DCAF8L2: variants seen among roughly 807,000 people sequenced by gnomAD.
DCAF8L2 encodes the protein DDB1 and CUL4 associated factor 8 like 2.
For missense variants in DCAF8L2, 430 were observed against 490.7 expected (o/e 0.88, Z 1.17); for synonymous variants, 200 against 190.9 (o/e 1.05, Z -0.39).
At chrX:27,563,413 A>G in the DCAF8L2 span, among the ~76,000 whole-genome samples, 1 of 112,149 alleles carries the variant, frequency 8.9e-6, no homozygotes, top group Middle Eastern at 4.6e-3. Flanking sequence ...GAAAGGTAAA[A>G]TTTCAGCCAG....
intron 2 of DCAF8L2, among the ~76,000 whole-genome samples, chrX:27,674,582 C>G (rs1454537160): frequency 9.0e-6 from 1 of 110,872 alleles, no homozygotes; most frequent in African/African-American, 3.3e-5. Context: ...GAGCATGAAG[C>G]CGTTGTACAA....
At chrX:27,736,689 T>G (rs921750082) in intron 4 of DCAF8L2, among the ~76,000 whole-genome samples, 1 of 112,124 alleles carries the variant, frequency 8.9e-6, no homozygotes, top group Non-Finnish European at 1.9e-5. Context: ...CTTGCCTAAA[T>G]TATCTGTGCA....
chrX:27,526,259 G>A, the DCAF8L2 span, among the ~76,000 whole-genome samples: 1 of 111,435 alleles, frequency 9.0e-6, no homozygotes, highest in East Asian at 2.8e-4. Context: ...TTCTCTTCCT[G>A]CTTCATTTCA....
At chrX:27,521,562 C>T in the DCAF8L2 span, among the ~76,000 whole-genome samples, 5 of 112,038 alleles carry the variant, frequency 4.5e-5, no homozygotes, top group South Asian at 3.7e-4. Flanking sequence ...TATTGGAATA[C>T]GTGGTTTCAC....
chrX:27,701,321 A>C (rs997348491), intron 3 of DCAF8L2, among the ~76,000 whole-genome samples: 2 of 111,537 alleles, frequency 1.8e-5, no homozygotes, highest in East Asian at 5.6e-4. Flanking sequence ...TAGTGGATAG[A>C]ACAAGTTAAA....
upstream of DCAF8L2, among the ~76,000 whole-genome samples, chrX:27,589,154 T>G (rs1242383778): frequency 1.8e-5 from 2 of 111,586 alleles, no homozygotes; most frequent in Non-Finnish European, 3.8e-5. Flanking sequence ...GACCAAAGAT[T>G]ATGGTTGGTT....
Position 27,747,082 on chromosome X carries a change from C to G in DCAF8L2, c.187C>G (p.Pro63Ala). The G allele has an allele frequency of 1.7e-6, 2 of 1,167,944 alleles. No homozygotes were observed. The highest frequency in any genetic ancestry group is 2.3e-6 in the Non-Finnish European group (2 of 873,060). Residue 63 changes from proline to alanine, a missense_variant, in exon 5 of 5, where the codon CCC (proline) becomes GCC (alanine). Pro to Ala is a conservative substitution (Grantham distance 27). Transcript: ENST00000451261. ...CAGTGATAGCAGGGATGGTGGATTCCCCAACGATGCCAGCACAGAAAATCG... is the reference window on the plus strand; with the variant it reads ...CAGTGATAGCAGGGATGGTGGATTCGCCAACGATGCCAGCACAGAAAATCG... ...DGSDSRDGGF[P>A]NDASTENRSS...
intron 1 of DCAF8L2, among the ~76,000 whole-genome samples, chrX:27,600,650 G>T (rs754688481): frequency 8.9e-6 from 1 of 112,140 alleles, no homozygotes; most frequent in African/African-American, 3.2e-5. Context: ...TAAAGGAAAA[G>T]AGTGCAGAGT....
upstream of DCAF8L2, among the ~76,000 whole-genome samples, chrX:27,586,068 C>G (rs1284944117): frequency 9.0e-6 from 1 of 111,127 alleles, no homozygotes; most frequent in Non-Finnish European, 1.9e-5. Flanking sequence ...TTCCCCTCTC[C>G]ACAGGCCTTT....
chrX:27,627,544 TG>T (rs1928078115), intron 1 of DCAF8L2: 1 of 34,685 alleles, frequency 2.9e-5, no homozygotes, highest in African/African-American at 1.0e-4. Context: ...TTGTTGTGTG[TG>T]TGTGTGTGTG....
the DCAF8L2 span, among the ~76,000 whole-genome samples, chrX:27,552,549 A>G: frequency 3.6e-5 from 4 of 111,996 alleles, no homozygotes; most frequent in Non-Finnish European, 5.6e-5. Flanking sequence ...TTATTGAAGA[A>G]ACTATCTTTT....
intron 1 of DCAF8L2, among the ~76,000 whole-genome samples, chrX:27,593,947 T>C (rs1202254049): frequency 3.6e-5 from 4 of 112,334 alleles, no homozygotes; most frequent in African/African-American, 1.3e-4. Flanking sequence ...AAGCCTGTTA[T>C]TTGTTGGGTG....
the DCAF8L2 span, among the ~76,000 whole-genome samples, chrX:27,555,780 G>A: frequency 9.0e-6 from 1 of 111,580 alleles, no homozygotes; most frequent in Admixed American, 9.5e-5. Flanking sequence ...GAGTTTGGGA[G>A]CATCCAGTGG....
At chrX:27,597,756 C>G (rs190879987) in intron 1 of DCAF8L2, among the ~76,000 whole-genome samples, 110 of 112,026 alleles carry the variant, frequency 9.8e-4, no homozygotes, top group Non-Finnish European at 1.3e-3. Context: ...AATAGTTTAG[C>G]AAAACCCAGG....
At chrX:27,502,338 ATATATATATATATATATATATATATAT>A in the DCAF8L2 span, among the ~76,000 whole-genome samples, 39 of 27,560 alleles carry the variant, frequency 1.4e-3, 1 homozygote, top group South Asian at 4.0e-3. Context: ...AAAAAAAAAT[ATATATATATATATATATATATATATAT>A]ATATATATAT....
chrX:27,735,615 C>T (rs750672009), intron 4 of DCAF8L2, among the ~76,000 whole-genome samples: 9 of 112,062 alleles, frequency 8.0e-5, no homozygotes, highest in South Asian at 3.7e-4. Context: ...ACAGGAGACT[C>T]GATCAGTTTC....
At chrX:27,527,558 T>A in the DCAF8L2 span, among the ~76,000 whole-genome samples, 1 of 111,535 alleles carries the variant, frequency 9.0e-6, no homozygotes, top group African/African-American at 3.3e-5. Context: ...CAAGCCCCAG[T>A]GAGGTGAACC....
the DCAF8L2 span, among the ~76,000 whole-genome samples, chrX:27,566,888 T>C: frequency 9.0e-6 from 1 of 110,719 alleles, no homozygotes. Flanking sequence ...TAGTGCTGCT[T>C]TTGCTGAATC....
At chrX:27,555,824 T>G in the DCAF8L2 span, among the ~76,000 whole-genome samples, 3 of 111,237 alleles carry the variant, frequency 2.7e-5, no homozygotes, top group Non-Finnish European at 3.8e-5. Flanking sequence ...CAGTGTGCAG[T>G]CCCTAGGTGA....
Sources: gnomAD v4.1 joint callset for allele counts (sites outside exome capture counted in the v4.1 genomes callset) on GRCh38, gnomAD v4.1.1 for gene constraint, MANE v1.5 for transcripts, NCBI Gene and HGNC (gene_info 2026-07-23, HGNC 2026-07-21) for gene names.